The following SHISAL2A variants were observed in gnomAD, a reference collection of about 807,000 sequenced individuals.
SHISAL2A encodes the protein shisa like 2A, also known as protein shisa-like-2A.
SHISAL2A carries 18 observed loss-of-function variants against 11.5 expected under a neutral mutation model. That is an observed-to-expected ratio of 1.57 (90% CI 1.08 to 2.33). The LOEUF (loss-of-function observed/expected upper bound fraction) is 2.33, where lower values mean the gene tolerates loss of function less well. Ranked by LOEUF, SHISAL2A falls within the 30% of genes most tolerant of loss-of-function variation. The probability of loss-of-function intolerance (pLI) is 0.00; values close to 1 mark genes in which losing one functional copy is unlikely to be tolerated. For missense variants in SHISAL2A, 261 were observed against 250.9 expected, an observed-to-expected ratio of 1.04 and a Z score of -0.27; for synonymous variants, 94 against 99.6, an observed-to-expected ratio of 0.94 and a Z score of 0.34.
intron 2 of SHISAL2A, among the ~76,000 whole-genome samples, chr1:52,650,506 T>A (rs759499973): frequency 1.3e-5 from 2 of 152,214 alleles, no homozygotes; most frequent in African/African-American, 2.4e-5. Context: ...CTAGAAATGA[T>A]GCTTACTGGT....
chr1:52,653,356 A>G (rs1411777280), intron 2 of SHISAL2A, among the ~76,000 whole-genome samples: 1 of 144,656 alleles, frequency 6.9e-6, no homozygotes, highest in Non-Finnish European at 1.5e-5. Flanking sequence ...AGCTACTGGG[A>G]GGCTGAGATG....
exon 6 of SHISAL2A, chr1:52,669,024 A>C (rs1345488488): frequency 6.6e-6 from 1 of 152,202 alleles, no homozygotes; most frequent in Non-Finnish European, 1.5e-5. Flanking sequence ...CCGAGTCCTG[A>C]GCCTGCAAGG....
chr1:52,640,673 C>T (rs1399696599), intron 1 of SHISAL2A, among the ~76,000 whole-genome samples: 4 of 151,396 alleles, frequency 2.6e-5, no homozygotes, highest in African/African-American at 9.7e-5. Context: ...TGAGTTGAAG[C>T]TCCTAAAGCC....
At chr1:52,651,744 T>C (rs960274231) in intron 2 of SHISAL2A, among the ~76,000 whole-genome samples, 1 of 152,172 alleles carries the variant, frequency 6.6e-6, no homozygotes, top group East Asian at 1.9e-4. Context: ...CAGGGGGTAA[T>C]TAACATAGGT....
At chr1:52,663,182 C>T (rs1178696041) in intron 4 of SHISAL2A, among the ~76,000 whole-genome samples, 1 of 152,100 alleles carries the variant, frequency 6.6e-6, no homozygotes. Flanking sequence ...TGCAGATGTC[C>T]TCCCGGGCTG....
intron 2 of SHISAL2A, among the ~76,000 whole-genome samples, chr1:52,647,998 T>C (rs1300361613): frequency 2.7e-5 from 4 of 149,772 alleles, no homozygotes; most frequent in Admixed American, 1.3e-4. Flanking sequence ...GGTAAGAGTA[T>C]GCATTGGTAC....
rs7541773 is a variant in SHISAL2A at position 52,665,478 on chromosome 1, C to G, written n.696-1921C>G. Among the ~76,000 whole-genome samples the G allele has an allele frequency of 2.2e-3, 340 of 152,310 alleles. 2 individuals are homozygous for G. The highest frequency in any genetic ancestry group is 7.8e-3 in the African/African-American group (323 of 41,558). On this transcript the variant is annotated intron_variant and non_coding_transcript_variant, in intron 4 of 5. Coordinates refer to the SHISAL2A transcript ENST00000401050. ...CTACCTGGGCTCACCCTTGGAGCTACAGCCTCATTATCATTCAGACTTATC... is the reference window on the plus strand; with the variant it reads ...CTACCTGGGCTCACCCTTGGAGCTAGAGCCTCATTATCATTCAGACTTATC...
At chr1:52,663,496 C>T in intron 4 of SHISAL2A, among the ~76,000 whole-genome samples, 1 of 152,166 alleles carries the variant, frequency 6.6e-6, no homozygotes, top group East Asian at 1.9e-4. Flanking sequence ...CGCGGTGGCT[C>T]ACGCCTGTAA....
At position 52,641,464 on chromosome 1, in the gene SHISAL2A, T is replaced by A. The variant is rs114161312; in HGVS notation, c.183-1399T>A. 3.9e-3 allele frequency among the ~76,000 whole-genome samples: 593 copies of A among 152,094 alleles called. 4 individuals carry two copies. The highest frequency in any genetic ancestry group is 0.014 in the African/African-American group (568 of 41,488). Reference sequence around the variant, plus strand: ...CCCCCCATACATCTGGTGTCAGAAGTGTTGTGTTGAGTGTTGTGGGAGGAA... The same window carrying A: ...CCCCCCATACATCTGGTGTCAGAAGAGTTGTGTTGAGTGTTGTGGGAGGAA... On this transcript the variant is annotated intron_variant, in intron 1 of 2. Coordinates refer to ENST00000517870, the MANE Select transcript of SHISAL2A (RefSeq NM_001042693.3).
chr1:52,640,607 AAAACAAAAAAAAAAAC>A (rs1291072244), intron 1 of SHISAL2A, among the ~76,000 whole-genome samples: 1 of 151,610 alleles, frequency 6.6e-6, no homozygotes, highest in Non-Finnish European at 1.5e-5. Context: ...ACTCTGTCTC[AAAACAAAAAAAAAAAC>A]AAACAAAAAA....
intron 4 of SHISAL2A, among the ~76,000 whole-genome samples, chr1:52,664,800 T>G (rs1277997045): frequency 6.6e-6 from 1 of 152,046 alleles, no homozygotes; most frequent in Non-Finnish European, 1.5e-5. Flanking sequence ...CCCGGCTATT[T>G]TTATTCTAAG....
chr1:52,660,437 C>T (rs750019894), downstream of SHISAL2A, among the ~76,000 whole-genome samples: 11 of 152,122 alleles, frequency 7.2e-5, no homozygotes, highest in Non-Finnish European at 1.6e-4. Context: ...GATAGGAGCC[C>T]CTCCCCCAGG....
At chr1:52,655,012 G>T (rs188755856) in intron 2 of SHISAL2A, among the ~76,000 whole-genome samples, 7 of 151,970 alleles carry the variant, frequency 4.6e-5, no homozygotes, top group Middle Eastern at 3.4e-3. Flanking sequence ...GCGAAACCCC[G>T]TCTCTACTAA....
At position 52,640,449 on chromosome 1, in the gene SHISAL2A, A is replaced by G. The variant is rs139629497; in HGVS notation, c.183-2414A>G. On this transcript the variant is annotated intron_variant, in intron 1 of 2. Coordinates refer to ENST00000517870, the MANE Select transcript of SHISAL2A (RefSeq NM_001042693.3). Reference sequence around the variant, plus strand: ...GCCTACCACATGCCAGGGCCTAGACAATGGGAGGATAAGGCTGATTAAACA... The same window carrying G: ...GCCTACCACATGCCAGGGCCTAGACGATGGGAGGATAAGGCTGATTAAACA... Among the ~76,000 whole-genome samples the G allele has an allele frequency of 2.9e-3, 442 of 152,238 alleles. 2 individuals are homozygous for G. The highest frequency in any genetic ancestry group is 0.01 in the Middle Eastern group (3 of 294).
At chr1:52,655,560 A>T (rs1051886610) in intron 2 of SHISAL2A, among the ~76,000 whole-genome samples, 3 of 151,874 alleles carry the variant, frequency 2.0e-5, no homozygotes, top group Non-Finnish European at 4.4e-5. Flanking sequence ...CAGGAGGTCA[A>T]GGCTGTAGTG....
chr1:52,634,526 A>G (rs1691199164), intron 1 of SHISAL2A, among the ~76,000 whole-genome samples: 1 of 152,196 alleles, frequency 6.6e-6, no homozygotes, highest in African/African-American at 2.4e-5. Flanking sequence ...CTCTCCACCC[A>G]TAGGACCTCA....
At chr1:52,663,273 G>A (rs757577832) in intron 4 of SHISAL2A, among the ~76,000 whole-genome samples, 2 of 151,948 alleles carry the variant, frequency 1.3e-5, no homozygotes, top group Non-Finnish European at 2.9e-5. Context: ...GAGGCGTGAG[G>A]GATTTGCCCC....
At chr1:52,667,470 T>TCATCACCATCACCATCAC (rs60987667) in exon 5 of SHISAL2A, 2 of 769,656 alleles carry the variant, frequency 2.6e-6, no homozygotes, top group African/African-American at 4.3e-5. Flanking sequence ...TGGAGACAGA[T>TCATCACCATCACCATCAC]CATCACCATC....
At chr1:52,661,292 G>A (rs910753766), downstream of SHISAL2A, among the ~76,000 whole-genome samples, 1 of 152,236 alleles carries the variant, frequency 6.6e-6, no homozygotes, top group Non-Finnish European at 1.5e-5. Context: ...ACATTGAAGT[G>A]AAATTTGCCA....
Sources: allele counts gnomAD v4.1 joint callset (sites outside exome capture counted in the v4.1 genomes callset), GRCh38; gene constraint gnomAD v4.1.1; transcripts MANE v1.5; gene names NCBI Gene and HGNC (gene_info 2026-07-23, HGNC 2026-07-21).